NUDCD3: variants seen among roughly 807,000 people sequenced by gnomAD.
The protein encoded by NUDCD3 is nudC domain-containing protein 3.
NUDCD3 carries 13 observed loss-of-function variants against 39.7 expected under a neutral mutation model. That is an observed-to-expected ratio of 0.33 (90% CI 0.21 to 0.52). The LOEUF is 0.52. Ranked by LOEUF, NUDCD3 falls within the 20% of genes least tolerant of loss-of-function variation. NUDCD3 has a pLI of 0.96. For synonymous variants in NUDCD3, 175 were observed against 172.4 expected (o/e 1.02, Z -0.12); for missense variants, 453 against 458.1 (o/e 0.99, Z 0.10).
chr7:44,476,959 G>A (rs1011942364), intron 2 of NUDCD3, among the ~76,000 whole-genome samples: 1 of 152,204 alleles, frequency 6.6e-6, no homozygotes, highest in Non-Finnish European at 1.5e-5. Context: ...GCAGCCTGAT[G>A]ATGATGATGA....
intron 2 of NUDCD3, among the ~76,000 whole-genome samples, chr7:44,466,628 C>T (rs898684657): frequency 6.6e-6 from 1 of 152,192 alleles, no homozygotes; most frequent in Admixed American, 6.5e-5. Context: ...AGTTTGTTCT[C>T]CTAGGAGAAC....
At chr7:44,402,575 C>T in intron 4 of NUDCD3, 1 of 452,974 alleles carries the variant, frequency 2.2e-6, no homozygotes, top group South Asian at 1.6e-5. Flanking sequence ...AGACCAGTGA[C>T]TAAGGCTTTG....
At chr7:44,419,014 A>T (rs185943962) in intron 3 of NUDCD3, among the ~76,000 whole-genome samples, 1 of 151,798 alleles carries the variant, frequency 6.6e-6, no homozygotes, top group Non-Finnish European at 1.5e-5. Flanking sequence ...TAGCTGCAGG[A>T]GTTTTTTTTT....
At chr7:44,435,865 A>C (rs756628856) in intron 2 of NUDCD3, among the ~76,000 whole-genome samples, 7 of 152,172 alleles carry the variant, frequency 4.6e-5, no homozygotes, top group Non-Finnish European at 8.8e-5. Context: ...AATCCATTCC[A>C]ACCTACAGGT....
chr7:44,465,929 AG>A (rs1283650367), intron 2 of NUDCD3, among the ~76,000 whole-genome samples: 5 of 152,250 alleles, frequency 3.3e-5, no homozygotes, highest in African/African-American at 7.2e-5. Flanking sequence ...TCTAAATAAA[AG>A]CTAGAGCAGC....
At chr7:44,431,093 GTTGA>G (rs2116907650) in intron 2 of NUDCD3, among the ~76,000 whole-genome samples, 1 of 152,236 alleles carries the variant, frequency 6.6e-6, no homozygotes, top group Non-Finnish European at 1.5e-5. Flanking sequence ...TTTAAATAAG[GTTGA>G]TTATTTCCAG....
At chr7:44,427,264 A>G (rs2116901796) in intron 3 of NUDCD3, among the ~76,000 whole-genome samples, 1 of 152,270 alleles carries the variant, frequency 6.6e-6, no homozygotes. Flanking sequence ...ACCCCAGGAG[A>G]GTCTATGGCT....
At chr7:44,479,912 T>A (rs530195738) in intron 2 of NUDCD3, among the ~76,000 whole-genome samples, 26 of 152,332 alleles carry the variant, frequency 1.7e-4, no homozygotes, top group Non-Finnish European at 2.8e-4. Flanking sequence ...AAACACTACA[T>A]TTCAGGTATA....
In NUDCD3 at chr7:44,477,895, A is replaced by G. The variant is rs190826966; in HGVS notation, c.509+7073T>C. ...GTCGCCCAGGCTGGAGTGCAGTGGCACAATCTCAACTCACTGCAACCTCCA... is the reference window on the plus strand; with the variant it reads ...GTCGCCCAGGCTGGAGTGCAGTGGCGCAATCTCAACTCACTGCAACCTCCA... On this transcript the variant is annotated intron_variant, in intron 2 of 5. Transcript: ENST00000355451. 8.4e-5 allele frequency among the ~76,000 whole-genome samples: 12 copies of G among 142,232 alleles called. No individual in the cohort carries two copies. The East Asian group carries it at 2.5e-3, about 29-fold the overall frequency. 93.3% of individuals were successfully genotyped at this position (142,232 alleles called of 152,430 possible).
rs1032072762 is a variant in NUDCD3 at position 44,468,608 on chromosome 7, C to T, written c.509+16360G>A. On this transcript the variant is annotated intron_variant, in intron 2 of 5. Transcript: ENST00000355451. Reference sequence around the variant, plus strand: ...CCACAAGGCAAGAGACAGGTATCCTCCTTGCTCATCCACTGGGAGAGTCTA... The same window carrying T: ...CCACAAGGCAAGAGACAGGTATCCTTCTTGCTCATCCACTGGGAGAGTCTA... Among the ~76,000 whole-genome samples, 9 of 152,144 alleles carry T rather than the reference C, an allele frequency of 5.9e-5. No individual in the cohort carries two copies. The South Asian group carries it at 1.9e-3, about 32-fold the overall frequency.
chr7:44,419,432 G>A (rs1585066486), intron 3 of NUDCD3, among the ~76,000 whole-genome samples: 1 of 152,328 alleles, frequency 6.6e-6, no homozygotes, highest in East Asian at 1.9e-4. Flanking sequence ...ATTCTTGCCT[G>A]CCAGCTTTGA....
chr7:44,419,519 C>G (rs946148940), intron 3 of NUDCD3, among the ~76,000 whole-genome samples: 1 of 152,230 alleles, frequency 6.6e-6, no homozygotes, highest in African/African-American at 2.4e-5. Context: ...ACTGCCTCCT[C>G]AAGTGGGTCC....
chr7:44,421,960 A>C (rs1263238401), intron 3 of NUDCD3, among the ~76,000 whole-genome samples: 3 of 152,206 alleles, frequency 2.0e-5, no homozygotes, highest in Admixed American at 6.5e-5. Context: ...AGGGCAATCA[A>C]ATTAGAACTC....
chr7:44,485,121 T>A lies in NUDCD3; in HGVS notation c.356A>T (p.Asp119Val). 1 of 1,614,086 alleles carries A rather than the reference T, an allele frequency of 6.2e-7. No homozygotes were observed. The highest frequency in any genetic ancestry group is 8.5e-7 in the Non-Finnish European group (1 of 1,180,022). ...VPVPVQEIEI[D>V]STTELDGHQE... is the part of the protein sequence containing the mutation. ...ATGCCCATCCAATTCTGTGGTGGAG[T>A]CAATCTCTATTTCCTGGACTGGAAC... is the stretch of plus-strand genomic sequence containing the variant. Residue 119 changes from aspartate to valine, a missense_variant, in exon 2 of 6, where the codon GAC becomes GTC. By Grantham distance (152) the Asp-to-Val change is radical. Coordinates refer to ENST00000355451, the MANE Select transcript of NUDCD3 (RefSeq NM_015332.4).
chr7:44,394,837 C>T (rs1212997672), intron 4 of NUDCD3, among the ~76,000 whole-genome samples: 1 of 152,116 alleles, frequency 6.6e-6, no homozygotes, highest in East Asian at 1.9e-4. Flanking sequence ...GGCCTTTTGG[C>T]ACTCCACAGA....
intron 3 of NUDCD3, among the ~76,000 whole-genome samples, chr7:44,412,926 CAAA>C (rs767754442): frequency 4.6e-5 from 2 of 43,874 alleles, no homozygotes; most frequent in Admixed American, 2.3e-4. Flanking sequence ...GACGCCGTCT[CAAA>C]AAAAAAAAAA....
chr7:44,395,486 T>G (rs767997251), intron 4 of NUDCD3, among the ~76,000 whole-genome samples: 2 of 152,224 alleles, frequency 1.3e-5, no homozygotes, highest in Non-Finnish European at 2.9e-5. Flanking sequence ...ATCACCTTTA[T>G]CTAGTTTCAA....
intron 4 of NUDCD3, among the ~76,000 whole-genome samples, chr7:44,396,535 ATC>A (rs888598512): frequency 6.6e-6 from 1 of 151,880 alleles, no homozygotes; most frequent in Non-Finnish European, 1.5e-5. Flanking sequence ...ACAGAATTCC[ATC>A]TCTCACTCTG....
intron 2 of NUDCD3, among the ~76,000 whole-genome samples, chr7:44,465,818 A>G (rs547211821): frequency 6.6e-6 from 1 of 152,310 alleles, no homozygotes; most frequent in African/African-American, 2.4e-5. Flanking sequence ...TTTTTGATAT[A>G]TGCATACAGC....
Sources: allele counts gnomAD v4.1 joint callset (sites outside exome capture counted in the v4.1 genomes callset), GRCh38; gene constraint gnomAD v4.1.1; transcripts MANE v1.5; gene names NCBI Gene and HGNC (gene_info 2026-07-23, HGNC 2026-07-21).